ZNF420: variants seen among roughly 807,000 people sequenced by gnomAD.
The protein encoded by ZNF420 is zinc finger protein 420.
Under a neutral mutation model 44.7 loss-of-function variants are expected in ZNF420, and 31 were observed. The ratio of observed to expected loss-of-function variants is 0.69; its 90% confidence interval spans 0.52 to 0.94. ZNF420 has a LOEUF of 0.94. ZNF420 is among the 40% of genes least tolerant of loss of function. The probability of loss-of-function intolerance (pLI) is 0.00; values close to 1 mark genes in which losing one functional copy is unlikely to be tolerated. For synonymous variants in ZNF420, 245 were observed against 267.4 expected, an observed-to-expected ratio of 0.92 and a Z score of 0.82; for missense variants, 681 against 827.9, an observed-to-expected ratio of 0.82 and a Z score of 2.18.
At chr19:37,061,002 A>G (rs1011340388) in intron 1 of ZNF420, among the ~76,000 whole-genome samples, 3 of 152,012 alleles carry the variant, frequency 2.0e-5, no homozygotes, top group African/African-American at 7.2e-5. Context: ...AGGCATTTCA[A>G]ATTGTGGCTT....
intron 4 of ZNF420, among the ~76,000 whole-genome samples, chr19:37,094,060 C>G (rs1346156547): frequency 6.6e-6 from 1 of 152,096 alleles, no homozygotes; most frequent in Non-Finnish European, 1.5e-5. Context: ...CCAGGCCACA[C>G]CCCAGACCAA....
intron 1 of ZNF420, among the ~76,000 whole-genome samples, chr19:37,033,145 T>C (rs1299280532): frequency 6.6e-6 from 1 of 152,220 alleles, no homozygotes; most frequent in African/African-American, 2.4e-5. Flanking sequence ...TTTTAATTAA[T>C]CTTTCTAAAG....
At chr19:37,083,168 C>CTTTTTTTTT (rs754635723) in intron 2 of ZNF420, among the ~76,000 whole-genome samples, 3 of 137,290 alleles carry the variant, frequency 2.2e-5, no homozygotes, top group African/African-American at 2.6e-5. Flanking sequence ...CCCGTTTTTG[C>CTTTTTTTTT]TTTTTTTTTT....
chr19:37,129,870 AT>A lies in ZNF420; in HGVS notation c.*818del, dbSNP rs1208514082. 5.5e-5 allele frequency: 53 copies of A among 959,874 alleles called. 1 individual carries two copies. The East Asian group carries it at 1.5e-3, about 27-fold the overall frequency. The allele number at this position is 959,874 out of a possible 1,614,324, so 59.5% of individuals were successfully genotyped here. A position where few individuals can be genotyped will look rare whatever the true frequency, so the allele number is the denominator to read the frequency against. On this transcript the variant is annotated 3_prime_UTR_variant, in exon 5 of 5. Coordinates refer to ENST00000337995, the MANE Select transcript of ZNF420 (RefSeq NM_144689.5). ...GATCCAAAGTCTAATAAATCTAGGA[AT>A]TTTTTAAAAACTTGAATGTATTGCT... is the stretch of plus-strand genomic sequence containing the variant.
rs182434831 is a variant in ZNF420 at position 37,020,034 on chromosome 19, G to A, written c.-125+11952G>A. Among the ~76,000 whole-genome samples the A allele has an allele frequency of 9.9e-5, 15 of 151,890 alleles. No individual in the cohort carries two copies. The East Asian group carries it at 2.0e-3, about 20-fold the overall frequency. On this transcript the variant is annotated intron_variant, in intron 1 of 4. Coordinates refer to the ZNF420 transcript ENST00000587029. The stretch of plus-strand genomic sequence containing the variant: ...AGATCGAGAACATCCTGGCTAACCC[G>A]GTGAAACCCCGTCTCTACTAAAAAT...
intron 1 of ZNF420, among the ~76,000 whole-genome samples, chr19:37,043,757 G>A (rs1967498464): frequency 6.6e-6 from 1 of 152,130 alleles, no homozygotes; most frequent in East Asian, 1.9e-4. Context: ...ACAGGCATGA[G>A]CCACCATGCC....
chr19:37,076,490 C>T (rs1968156876), upstream of ZNF420, among the ~76,000 whole-genome samples: 1 of 152,140 alleles, frequency 6.6e-6, no homozygotes, highest in African/African-American at 2.4e-5. Flanking sequence ...TCATCATTTA[C>T]ATTAGATATA....
intron 4 of ZNF420, among the ~76,000 whole-genome samples, chr19:37,115,856 T>C (rs142657214): frequency 0.019 from 2,928 of 152,204 alleles, 77 homozygotes; most frequent in East Asian, 0.05. Context: ...AGGCAGAGGT[T>C]CCTGTGGCCT....
intron 4 of ZNF420, among the ~76,000 whole-genome samples, chr19:37,102,971 G>A (rs756069793): frequency 1.3e-4 from 18 of 142,138 alleles, no homozygotes; most frequent in Admixed American, 9.2e-4. Flanking sequence ...CTGTTTCTAC[G>A]TTTCTAATTT....
chr19:37,021,130 C>G (rs1027153254), intron 1 of ZNF420, among the ~76,000 whole-genome samples: 1 of 152,212 alleles, frequency 6.6e-6, no homozygotes, highest in Non-Finnish European at 1.5e-5. Flanking sequence ...TTGAGAAACT[C>G]TTTCTGAAAA....
At chr19:37,055,649 G>C (rs932397933) in intron 1 of ZNF420, among the ~76,000 whole-genome samples, 4 of 152,224 alleles carry the variant, frequency 2.6e-5, no homozygotes, top group Non-Finnish European at 5.9e-5. Flanking sequence ...TCCTGTCACA[G>C]TGACCCCAAT....
intron 1 of ZNF420, among the ~76,000 whole-genome samples, chr19:37,059,866 TTC>T (rs1967840812): frequency 6.6e-6 from 1 of 151,880 alleles, no homozygotes; most frequent in Non-Finnish European, 1.5e-5. Context: ...CTGTGTCCCA[TTC>T]TCTTTTCTCT....
chr19:37,030,462 T>A (rs1280842319), intron 1 of ZNF420, among the ~76,000 whole-genome samples: 1 of 152,170 alleles, frequency 6.6e-6, no homozygotes, highest in Admixed American at 6.5e-5. Flanking sequence ...CATCCGGCCT[T>A]CTATTTCTTT....
At chr19:37,020,676 A>C (rs1423853891) in intron 1 of ZNF420, among the ~76,000 whole-genome samples, 1 of 152,272 alleles carries the variant, frequency 6.6e-6, no homozygotes, top group African/African-American at 2.4e-5. Context: ...TACATAAGTA[A>C]AATGCAGTAA....
intron 4 of ZNF420, among the ~76,000 whole-genome samples, chr19:37,093,975 GA>G (rs1410087805): frequency 6.6e-6 from 1 of 152,154 alleles, no homozygotes; most frequent in Non-Finnish European, 1.5e-5. Context: ...GAATTGTGCA[GA>G]AATAATATGG....
chr19:37,056,335 C>CT (rs1351498281), intron 1 of ZNF420, among the ~76,000 whole-genome samples: 3 of 152,144 alleles, frequency 2.0e-5, no homozygotes, highest in African/African-American at 7.2e-5. Context: ...GGGAGGTCAC[C>CT]TGTGCCCCCC....
chr19:37,127,916 T>G lies in ZNF420; in HGVS notation c.925T>G (p.Cys309Gly). The change falls in exon 5 of 5, where the codon TGT (cysteine) becomes GGT (glycine). Residue 309 changes from cysteine to glycine, a missense_variant. Transcript: ENST00000337995. ...TCATACCGGTGAGAAACCCTATGAA[T>G]GTAAGGAATGTGGAAAAGCTTTTAT... The part of the protein sequence containing the change: ...RIHTGEKPYE[C>G]KECGKAFICG... The G allele has an allele frequency of 6.2e-7, 1 of 1,614,116 alleles. No homozygotes were observed. Among genetic ancestry groups the G allele is most frequent in the Non-Finnish European group, 8.5e-7 (1 of 1,179,982 alleles).
chr19:37,129,517 C>A lies in ZNF420; in HGVS notation c.*459C>A. 6.1e-6 allele frequency: 1 copy of A among 162,842 alleles called. No individual in the cohort carries two copies. The highest frequency in any genetic ancestry group is 1.3e-5 in the Non-Finnish European group (1 of 74,530). The allele number at this position is 162,842 out of a possible 1,614,324, so 10.1% of individuals were successfully genotyped here. On this transcript the variant is annotated 3_prime_UTR_variant, in exon 5 of 5. Coordinates refer to ENST00000337995, the MANE Select transcript of ZNF420 (RefSeq NM_144689.5). Reference sequence around the variant, plus strand: ...GTAGCATACCACAAATATTAGCTACCATTTTCACTAGTGTTATTTTAGAGA... The same window carrying A: ...GTAGCATACCACAAATATTAGCTACAATTTTCACTAGTGTTATTTTAGAGA...
At position 37,128,943 on chromosome 19, in the gene ZNF420, C is replaced by T. The variant is rs73023546; in HGVS notation, c.1952C>T (p.Ala651Val). The T allele has an allele frequency of 4.9e-5, 79 of 1,614,076 alleles. No individual in the cohort carries two copies. Among genetic ancestry groups the T allele is most frequent in the Non-Finnish European group, 6.4e-5 (75 of 1,179,988 alleles). ...KPYQCKECGK[A>V]FTRGSQLTQH... ...TATCAATGTAAGGAATGTGGGAAGG[C>T]CTTTACTCGTGGTTCACAGCTAACT... The change falls in exon 5 of 5, where the codon GCC (alanine) becomes GTC (valine). Residue 651 changes from alanine to valine, a missense_variant. This residue lies in a region of ZNF420 where 280 missense variants were observed against 338.6 expected (regional missense o/e 0.83). Coordinates refer to ENST00000337995, the MANE Select transcript of ZNF420 (RefSeq NM_144689.5).
Sources: gnomAD v4.1 joint callset for allele counts (sites outside exome capture counted in the v4.1 genomes callset) on GRCh38, gnomAD v4.1.1 for gene constraint, gnomAD v4.1.1 regional missense constraint, MANE v1.5 for transcripts, NCBI Gene and HGNC (gene_info 2026-07-23, HGNC 2026-07-21) for gene names.